Variants in TLN2 observed in about 807,000 individuals in gnomAD.
The protein encoded by TLN2 is talin-2.
A neutral mutation model predicts 294.7 loss-of-function variants in TLN2; 118 were observed. The observed-to-expected ratio is 0.40, with a 90% CI of 0.34 to 0.47. The LOEUF (loss-of-function observed/expected upper bound fraction) is 0.47, where lower values mean the gene tolerates loss of function less well. Ranked by LOEUF, TLN2 falls within the 20% of genes least tolerant of loss-of-function variation. TLN2 has a pLI of 0.84. For missense variants in TLN2, 3,083 were observed against 3,282.2 expected, an observed-to-expected ratio of 0.94 and a Z score of 1.48; for synonymous variants, 1,431 against 1,304.5, an observed-to-expected ratio of 1.10 and a Z score of -2.09.
chr15:62,683,744 T>C lies in TLN2; in HGVS notation c.958-2897T>C, dbSNP rs75614654. Reference sequence around the variant, plus strand: ...GTATATGAGATAGATGGGTCTTCACTGGTGCCTGCTTTAGCCTGCTTTGTC... The same window carrying C: ...GTATATGAGATAGATGGGTCTTCACCGGTGCCTGCTTTAGCCTGCTTTGTC... On this transcript the variant is annotated intron_variant, in intron 11 of 58. Transcript: ENST00000636159. Among the ~76,000 whole-genome samples the C allele has an allele frequency of 8.4e-3, 1,281 of 152,294 alleles. 20 individuals carry two copies. Among genetic ancestry groups the C allele is most frequent in the African/African-American group, 0.03 (1,246 of 41,558 alleles).
At chr15:62,540,227 C>G (rs2041599080) in intron 1 of TLN2, among the ~76,000 whole-genome samples, 1 of 152,074 alleles carries the variant, frequency 6.6e-6, no homozygotes, top group South Asian at 2.1e-4. Context: ...GTAATCCCAG[C>G]TACTTGGGAG....
At position 62,657,813 on chromosome 15, in the gene TLN2, G is replaced by C. The variant is rs532505276; in HGVS notation, c.703G>C (p.Glu235Gln). The change falls in exon 9 of 59, where the codon GAG (glutamate) becomes CAG (glutamine). Residue 235 changes from glutamate to glutamine, a missense_variant. Physicochemically the swap from Glu to Gln is conservative, Grantham distance 29. Coordinates refer to ENST00000636159, the MANE Select transcript of TLN2 (RefSeq NM_015059.3). ...ILNGSHPVSF[E>Q]KACEFGGFQA... The stretch of plus-strand genomic sequence containing the variant: ...GAATGGCTCTCACCCTGTCTCCTTC[G>C]AGAAAGCTTGTGAGTTTGGTGGATT... 1 of 1,613,712 alleles carries C rather than the reference G, an allele frequency of 6.2e-7. No homozygotes were observed. The highest frequency in any genetic ancestry group is 8.5e-7 in the Non-Finnish European group (1 of 1,179,902).
chr15:62,703,629 A>G (rs753411175), intron 19 of TLN2, among the ~76,000 whole-genome samples: 4,821 of 132,860 alleles, frequency 0.036, 100 homozygotes, highest in Middle Eastern at 0.052. Flanking sequence ...ACACGCGCGC[A>G]CACACACACA....
chr15:62,648,757 C>T (rs1237073585), intron 4 of TLN2, among the ~76,000 whole-genome samples: 3 of 151,978 alleles, frequency 2.0e-5, no homozygotes, highest in African/African-American at 4.8e-5. Flanking sequence ...CCATGTTGGC[C>T]AGGATGGTCT....
chr15:62,566,122 T>A (rs559065254), intron 1 of TLN2, among the ~76,000 whole-genome samples: 1 of 152,152 alleles, frequency 6.6e-6, no homozygotes, highest in South Asian at 2.1e-4. Context: ...TGGCAAATGT[T>A]CCATTAGACT....
intron 1 of TLN2, among the ~76,000 whole-genome samples, chr15:62,532,979 C>T (rs763066355): frequency 1.3e-5 from 2 of 151,984 alleles, no homozygotes; most frequent in African/African-American, 2.4e-5. Context: ...CTAGGCTGGG[C>T]GCGATGGCTC....
chr15:62,766,499 T>C (rs1015377308), intron 41 of TLN2, 77 bp downstream of exon 41: 10 of 1,394,640 alleles, frequency 7.2e-6, no homozygotes, highest in African/African-American at 5.6e-5. Context: ...TTTACTGTTA[T>C]CATTCCCAAA....
intron 1 of TLN2, among the ~76,000 whole-genome samples, chr15:62,587,380 T>C (rs1030734205): frequency 6.6e-6 from 1 of 152,260 alleles, no homozygotes; most frequent in African/African-American, 2.4e-5. Context: ...AACATTTTGA[T>C]AACCAGAATC....
intron 34 of TLN2, among the ~76,000 whole-genome samples, chr15:62,751,866 T>A (rs1051128971): frequency 6.6e-6 from 1 of 152,228 alleles, no homozygotes; most frequent in Non-Finnish European, 1.5e-5. Context: ...TTAGGAAACA[T>A]ACTTAACAAA....
rs567515765 is a variant in TLN2, at chr15:62,428,338, T to C, written c.-238+37653T>C. ...AATGCACACAGTAAAGGTTTCCAAC[T>C]AGAAGCTTATTTTGTTTGTTTGTCT... On this transcript the variant is annotated intron_variant, in intron 1 of 58. Coordinates refer to ENST00000636159, the MANE Select transcript of TLN2 (RefSeq NM_015059.3). 1.8e-4 allele frequency among the ~76,000 whole-genome samples: 28 copies of C among 151,960 alleles called. No individual in the cohort carries two copies. In the East Asian group the frequency reaches 3.7e-3, roughly 20 times the overall value.
intron 1 of TLN2, among the ~76,000 whole-genome samples, chr15:62,443,472 G>A (rs8041371): frequency 0.12 from 17,925 of 152,144 alleles, 1,243 homozygotes; most frequent in Non-Finnish European, 0.15. Context: ...CTATGAATGA[G>A]CTTTTTATTA....
chr15:62,506,028 G>T (rs2039601243), intron 1 of TLN2, among the ~76,000 whole-genome samples: 1 of 152,188 alleles, frequency 6.6e-6, no homozygotes, highest in South Asian at 2.1e-4. Flanking sequence ...GGCAGGCATT[G>T]TTCTAGACGC....
rs190790135 is a variant in TLN2, at chr15:62,513,700, G to T, written c.-237-75987G>T. 1.8e-3 allele frequency among the ~76,000 whole-genome samples: 267 copies of T among 152,262 alleles called. 2 individuals are homozygous for T. Among genetic ancestry groups the T allele is most frequent in the Middle Eastern group, 3.4e-3 (1 of 294 alleles). ...TACTAAAGGGTCTAGCAGAGTGTCT[G>T]GCATATGGACAACTCAGTAAATGCC... is the stretch of plus-strand genomic sequence containing the variant. On this transcript the variant is annotated intron_variant, in intron 1 of 58. Transcript: ENST00000636159.
intron 1 of TLN2, among the ~76,000 whole-genome samples, chr15:62,405,714 A>C (rs1251352999): frequency 2.0e-5 from 3 of 152,148 alleles, no homozygotes. Context: ...CTCTTGGAGA[A>C]GCTGGTGGGG....
chr15:62,396,586 C>T (rs943756136), intron 1 of TLN2, among the ~76,000 whole-genome samples: 3 of 152,152 alleles, frequency 2.0e-5, no homozygotes, highest in Non-Finnish European at 4.4e-5. Flanking sequence ...TTCCCTCTGC[C>T]CCAGGAGGTG....
At chr15:62,633,623 G>A (rs993538967) in intron 3 of TLN2, among the ~76,000 whole-genome samples, 6 of 152,148 alleles carry the variant, frequency 3.9e-5, no homozygotes, top group East Asian at 1.9e-4. Context: ...ATTCACACAC[G>A]TTTATAATTA....
At chr15:62,707,391 T>A in intron 20 of TLN2, 138 bp downstream of exon 20, 1 of 1,069,594 alleles carries the variant, frequency 9.3e-7, no homozygotes, top group Non-Finnish European at 1.3e-6. Flanking sequence ...TCTTAAGTGA[T>A]GATAGGATTT....
chr15:62,481,119 C>T (rs949121077), intron 1 of TLN2, among the ~76,000 whole-genome samples: 4 of 152,114 alleles, frequency 2.6e-5, no homozygotes, highest in South Asian at 2.1e-4. Flanking sequence ...CAATTCTCTT[C>T]CTCATTGGGG....
chr15:62,410,108 GGT>G (rs1310158303), intron 1 of TLN2, among the ~76,000 whole-genome samples: 12 of 152,124 alleles, frequency 7.9e-5, no homozygotes, highest in Admixed American at 7.2e-4. Context: ...CGGGCGTGGT[GGT>G]GTGCGCCTGT....
Sources: allele counts gnomAD v4.1 joint callset (sites outside exome capture counted in the v4.1 genomes callset), GRCh38; gene constraint gnomAD v4.1.1; transcripts MANE v1.5; gene names NCBI Gene and HGNC (gene_info 2026-07-23, HGNC 2026-07-21).